RBM33: variants seen among roughly 807,000 people sequenced by gnomAD.
RBM33 encodes the protein RNA binding motif protein 33.
A neutral mutation model predicts 132.6 loss-of-function variants in RBM33; 28 were observed. The observed-to-expected ratio is 0.21, with a 90% CI of 0.16 to 0.29. The LOEUF is 0.29. RBM33 is among the 10% of genes least tolerant of loss of function. The pLI, the probability that RBM33 is intolerant of heterozygous loss-of-function variation, is 1.00. For synonymous variants in RBM33, 634 were observed against 593.0 expected, an observed-to-expected ratio of 1.07 and a Z score of -1.01; for missense variants, 1,291 against 1,518.5, an observed-to-expected ratio of 0.85 and a Z score of 2.49.
At chr7:155,713,545 G>A (rs1020377828) in intron 8 of RBM33, among the ~76,000 whole-genome samples, 1 of 152,114 alleles carries the variant, frequency 6.6e-6, no homozygotes, top group African/African-American at 2.4e-5. Context: ...ACGGTCGATG[G>A]GGAAGGAAGC....
rs1054584093 is a variant in RBM33, at chr7:155,766,748, C to T, written c.3375+93C>T. ...TAAAACACAGTGCCCTTTGTGTTGG[C>T]TACTTCATATTAAAATAATACTTGG... On this transcript the variant is annotated intron_variant, in intron 16 of 17. Coordinates refer to ENST00000401878, the MANE Select transcript of RBM33 (RefSeq NM_053043.3). The T allele has an allele frequency of 3.4e-6, 4 of 1,188,890 alleles. No individual in the cohort carries two copies. In the African/African-American group the frequency reaches 4.6e-5, roughly 14 times the overall value. 73.6% of individuals were successfully genotyped at this position (1,188,890 alleles called of 1,614,324 possible).
rs180774550 is a variant in RBM33, at chr7:155,737,593, C to G, written c.1324C>G (p.Arg442Gly). The G allele has an allele frequency of 3.1e-6, 5 of 1,613,172 alleles. No homozygotes were observed. In the Admixed American group the frequency reaches 6.7e-5, roughly 22 times the overall value. The change falls in exon 10 of 18, where the codon CGA becomes GGA. Residue 442 changes from arginine (R) to glycine (G), a missense_variant. Around this residue, in one of 7 missense-constraint regions of RBM33, gnomAD observed 841 missense variants for 912.0 expected, o/e 0.92. Coordinates refer to ENST00000401878, the MANE Select transcript of RBM33 (RefSeq NM_053043.3). ...TCCCAACAGTTTCAGCCAGCCCCCACGACTCCCTCTCCAGGACCAGTGGAG... is the reference window on the plus strand; with the variant it reads ...TCCCAACAGTTTCAGCCAGCCCCCAGGACTCCCTCTCCAGGACCAGTGGAG... Reference protein sequence around the residue: ...PVPNSFSQPPRLPLQDQWRAP... With the variant: ...PVPNSFSQPPGLPLQDQWRAP...
At chr7:155,715,414 T>A (rs932845708) in intron 8 of RBM33, among the ~76,000 whole-genome samples, 6 of 152,148 alleles carry the variant, frequency 3.9e-5, no homozygotes, top group African/African-American at 1.4e-4. Context: ...CTTAGAAATA[T>A]AGGGTGGTAA....
chr7:155,749,037 G>A (rs1467675746), intron 14 of RBM33, among the ~76,000 whole-genome samples: 1 of 152,096 alleles, frequency 6.6e-6, no homozygotes, highest in Non-Finnish European at 1.5e-5. Flanking sequence ...TCATGTGATG[G>A]GGTAAAACAG....
At position 155,670,700 on chromosome 7, in the gene RBM33, G is replaced by A. The variant is rs551920030; in HGVS notation, c.123-2167G>A. Among the ~76,000 whole-genome samples, 5 of 152,308 alleles carry A rather than the reference G, an allele frequency of 3.3e-5. No homozygotes were observed. In the South Asian group the frequency reaches 8.3e-4, roughly 25 times the overall value. ...GTGTGTGTGGAACATGTCAAGTGGT[G>A]CCTGGCACAGAAGTGCATTGAGCGG... On this transcript the variant is annotated intron_variant, in intron 2 of 17. Transcript: ENST00000401878.
chr7:155,700,546 CTTTTTTTTTTTTTTTTT>C (rs529323301), intron 5 of RBM33, among the ~76,000 whole-genome samples: 22 of 85,604 alleles, frequency 2.6e-4, no homozygotes, highest in Middle Eastern at 8.9e-3. Context: ...AGAATTTGAC[CTTTTTTTTTTTTTTTTT>C]TTTTTTTTTT....
chr7:155,711,737 G>A (rs1800308903), intron 8 of RBM33, among the ~76,000 whole-genome samples: 1 of 152,140 alleles, frequency 6.6e-6, no homozygotes, highest in Non-Finnish European at 1.5e-5. Context: ...GGTAGGTGAG[G>A]CTAAGCTATG....
chr7:155,735,360 A>G (rs1382256593), intron 9 of RBM33, among the ~76,000 whole-genome samples: 1 of 152,232 alleles, frequency 6.6e-6, no homozygotes, highest in African/African-American at 2.4e-5. Flanking sequence ...GGCGTGTGCT[A>G]TTAGAAGTAA....
At chr7:155,717,140 T>G (rs901964841) in intron 8 of RBM33, among the ~76,000 whole-genome samples, 1 of 152,236 alleles carries the variant, frequency 6.6e-6, no homozygotes, top group African/African-American at 2.4e-5. Flanking sequence ...TTAAAAAATA[T>G]GCTTCGTTGT....
intron 14 of RBM33, among the ~76,000 whole-genome samples, chr7:155,759,238 C>G (rs1158487321): frequency 6.6e-6 from 1 of 151,938 alleles, no homozygotes; most frequent in African/African-American, 2.4e-5. Flanking sequence ...AGAGATCAAG[C>G]CTACTTAAAA....
rs1011899651 is a variant in RBM33 at position 155,776,063 on chromosome 7, C to T, written c.*1022C>T. The T allele has an allele frequency of 3.3e-5, 5 of 152,420 alleles. No homozygotes were observed. The highest frequency in any genetic ancestry group is 1.2e-4 in the African/African-American group (5 of 41,554). 9.4% of individuals were successfully genotyped at this position (152,420 alleles called of 1,614,324 possible). On this transcript the variant is annotated 3_prime_UTR_variant, in exon 18 of 18. Coordinates refer to ENST00000401878, the MANE Select transcript of RBM33 (RefSeq NM_053043.3). This position sits in a 1 kb window ranked among gnomAD's most constrained non-coding sequence, Gnocchi z 4.0. ...CATGCGGGGTGAGGGTGGCTTTCTT[C>T]CAGCCCCAAATGAGACGAGTCTGTG...
chr7:155,666,863 A>C (rs1798815694), intron 2 of RBM33, among the ~76,000 whole-genome samples: 1 of 152,202 alleles, frequency 6.6e-6, no homozygotes, highest in Non-Finnish European at 1.5e-5. Flanking sequence ...TTTTGAGAAG[A>C]ATACAGTCAG....
intron 8 of RBM33, among the ~76,000 whole-genome samples, chr7:155,711,784 C>T (rs532902403): frequency 1.3e-5 from 2 of 152,330 alleles, no homozygotes; most frequent in African/African-American, 4.8e-5. Flanking sequence ...TGCATTTTGA[C>T]TAAGGGTCTT....
At chr7:155,771,997 AT>A (rs1280413764) in intron 16 of RBM33, among the ~76,000 whole-genome samples, 1 of 152,154 alleles carries the variant, frequency 6.6e-6, no homozygotes. Context: ...AATGTTGATC[AT>A]TGTTTTATGA....
intron 9 of RBM33, among the ~76,000 whole-genome samples, chr7:155,727,153 C>T (rs769571368): frequency 4.6e-5 from 7 of 152,074 alleles, no homozygotes; most frequent in Admixed American, 6.5e-5. Context: ...ATAGGGACTC[C>T]TATGTTTTTC....
intron 2 of RBM33, among the ~76,000 whole-genome samples, chr7:155,671,630 C>T (rs1278683380): frequency 6.6e-6 from 1 of 152,132 alleles, no homozygotes; most frequent in Non-Finnish European, 1.5e-5. Flanking sequence ...AATGGTTTTG[C>T]TGATTTCTCA....
At chr7:155,768,699 C>T (rs1167346927) in intron 16 of RBM33, among the ~76,000 whole-genome samples, 1 of 152,256 alleles carries the variant, frequency 6.6e-6, no homozygotes, top group Non-Finnish European at 1.5e-5. Context: ...TCACCGCAAC[C>T]TCCGCCTCCC....
At chr7:155,685,939 C>T (rs981977999) in intron 5 of RBM33, among the ~76,000 whole-genome samples, 2 of 152,164 alleles carry the variant, frequency 1.3e-5, no homozygotes, top group African/African-American at 2.4e-5. Flanking sequence ...TTTTCCCCCC[C>T]AGTATGAATA....
At chr7:155,707,285 G>A in intron 7 of RBM33, 1 of 663,070 alleles carries the variant, frequency 1.5e-6, no homozygotes, top group South Asian at 1.5e-5. Flanking sequence ...AAATCATCCT[G>A]TACCACAGAT....
Sources: gnomAD v4.1 joint callset for allele counts (sites outside exome capture counted in the v4.1 genomes callset) on GRCh38, gnomAD v4.1.1 for gene constraint, gnomAD v4.1.1 regional missense constraint, Gnocchi (gnomAD v3.1) non-coding constraint, MANE v1.5 for transcripts, NCBI Gene and HGNC (gene_info 2026-07-23, HGNC 2026-07-21) for gene names.